Variants in SEMA3F observed in about 807,000 individuals in gnomAD.
SEMA3F encodes the protein semaphorin-3F.
A neutral mutation model predicts 98.5 loss-of-function variants in SEMA3F; 30 were observed. That is an observed-to-expected ratio of 0.30 (90% CI 0.23 to 0.41). The LOEUF is 0.41. Among genes scored for constraint, SEMA3F ranks in the 10% least tolerant of loss-of-function variants. SEMA3F has a pLI of 1.00. For missense variants in SEMA3F, 866 were observed against 1,119.3 expected (o/e 0.77, Z 3.23); for synonymous variants, 380 against 444.8 (o/e 0.85, Z 1.83).
At chr3:50,176,033 G>A (rs1698795301) in intron 6 of SEMA3F, among the ~76,000 whole-genome samples, 1 of 151,898 alleles carries the variant, frequency 6.6e-6, no homozygotes, top group Non-Finnish European at 1.5e-5. Context: ...TTCTCTTGTG[G>A]CCTCTGTGCT....
intron 7 of SEMA3F, among the ~76,000 whole-genome samples, chr3:50,179,550 T>A (rs1698946466): frequency 6.6e-6 from 1 of 152,298 alleles, no homozygotes; most frequent in Admixed American, 6.5e-5. Context: ...GGTCTTGAAC[T>A]CCTGACCTAA....
chr3:50,187,918 G>A lies in SEMA3F; in HGVS notation c.2161G>A (p.Gly721Ser), dbSNP rs1699292807. 1 of 1,607,992 alleles carries A rather than the reference G, an allele frequency of 6.2e-7. No individual in the cohort carries two copies. ...GAGCGCCCCGCCACCCCCAGGCGCAGGCCCCCCAACGCCTCCTTACCAGGA... is the reference window on the plus strand; with the variant it reads ...GAGCGCCCCGCCACCCCCAGGCGCAAGCCCCCCAACGCCTCCTTACCAGGA... Reference protein sequence around the residue: ...SMSAPPPPGAGPPTPPYQELA... With the variant: ...SMSAPPPPGASPPTPPYQELA... Residue 721 changes from glycine to serine, a missense_variant, in exon 19 of 19, where the codon GGC becomes AGC. Gly to Ser is a moderately conservative substitution (Grantham distance 56, BLOSUM62 0). Coordinates refer to ENST00000002829, the MANE Select transcript of SEMA3F (RefSeq NM_004186.5).
intron 2 of SEMA3F, among the ~76,000 whole-genome samples, chr3:50,160,923 C>T (rs1420146550): frequency 1.3e-5 from 2 of 152,164 alleles, no homozygotes; most frequent in African/African-American, 2.4e-5. Flanking sequence ...AAGGAGTCCC[C>T]TGCAGGGCCT....
At chr3:50,178,249 A>G (rs1244756533) in intron 7 of SEMA3F, among the ~76,000 whole-genome samples, 2 of 152,062 alleles carry the variant, frequency 1.3e-5, no homozygotes, top group African/African-American at 4.8e-5. Flanking sequence ...TTCAAAAAAA[A>G]AGAAAAGACT....
At position 50,173,929 on chromosome 3, in the gene SEMA3F, C is replaced by T. The variant is rs758053222; in HGVS notation, c.249C>T (p.His83=). The T allele has an allele frequency of 3.1e-6, 5 of 1,613,996 alleles. No individual in the cohort carries two copies. Among genetic ancestry groups the T allele is most frequent in the East Asian group, 4.5e-5 (2 of 44,892 alleles). Reference sequence around the variant, plus strand: ...ACTACGTGCTGTCCCTGGACCTGCACGACATCAACCGCGAGCCCCTCATTG... The same window carrying T: ...ACTACGTGCTGTCCCTGGACCTGCATGACATCAACCGCGAGCCCCTCATTG... ...SKDYVLSLDL[H]DINREPLIIH... The change falls in exon 3 of 19, where the codon CAC becomes CAT. Residue 83 remains histidine, a synonymous_variant. Coordinates refer to ENST00000002829, the MANE Select transcript of SEMA3F (RefSeq NM_004186.5).
In SEMA3F at chr3:50,158,239, G is replaced by C. The variant is rs1309765427; in HGVS notation, c.-48-1336G>C. 2.0e-5 allele frequency among the ~76,000 whole-genome samples: 3 copies of C among 152,252 alleles called. No individual in the cohort carries two copies. The highest frequency in any genetic ancestry group is 2.9e-5 in the Non-Finnish European group (2 of 68,034). ...CCCATCCCCCAGCTAGCCTCCCCAG[G>C]AGGCAGCATCTATGACAGGGGATCT... On this transcript the variant is annotated intron_variant, in intron 1 of 18. Coordinates refer to ENST00000002829, the MANE Select transcript of SEMA3F (RefSeq NM_004186.5). The surrounding 1 kb of genome is among the most constrained non-coding windows in gnomAD (Gnocchi z 4.8).
At chr3:50,186,878 C>A in intron 18 of SEMA3F, 132 bp downstream of exon 18, 4 of 984,430 alleles carry the variant, frequency 4.1e-6, no homozygotes, top group Non-Finnish European at 5.7e-6. Flanking sequence ...ACATGCAAAT[C>A]CTTTGAGTGA....
At chr3:50,169,639 C>A (rs1287996213) in intron 2 of SEMA3F, among the ~76,000 whole-genome samples, 1 of 152,150 alleles carries the variant, frequency 6.6e-6, no homozygotes, top group Non-Finnish European at 1.5e-5. Flanking sequence ...CCCACAGAAC[C>A]CTTGATTGTG....
chr3:50,180,125 C>T (rs9832454), intron 7 of SEMA3F, among the ~76,000 whole-genome samples: 14,049 of 152,164 alleles, frequency 0.092, 720 homozygotes, highest in African/African-American at 0.1. Flanking sequence ...TAAGCTTAAT[C>T]ATTTCTAGCT....
rs1559741440 is a variant in SEMA3F at position 50,187,803 on chromosome 3, G to GAAC, written c.2050_2052dup (p.Asn684dup). 1.2e-6 allele frequency: 2 copies of GAAC among 1,613,512 alleles called. No individual in the cohort carries two copies. The highest frequency in any genetic ancestry group is 1.7e-5 in the Admixed American group (1 of 60,006). On this transcript the variant is annotated inframe_insertion, in exon 19 of 19. Transcript: ENST00000002829. ...GCCTCTACTCCTGCACAGCCACTGA[G>GAAC]AACAACTTTAAGCACGTCGTCACAC...
At position 50,182,404 on chromosome 3, in the gene SEMA3F, G is replaced by A; in HGVS notation, c.763+1G>A. Reference sequence around the variant, plus strand: ...CAGTACAACTCCCGGTGGCTGAACGGTAAGCGCAGCCCCAGGAGCCCTTCC... The same window carrying A: ...CAGTACAACTCCCGGTGGCTGAACGATAAGCGCAGCCCCAGGAGCCCTTCC... On this transcript the variant is annotated splice_donor_variant, in intron 8 of 18. Transcript: ENST00000002829. LOFTEE classifies it high-confidence loss of function. This position sits in a 1 kb window ranked among gnomAD's most constrained non-coding sequence, Gnocchi z 4.5. 1 of 1,613,554 alleles carries A rather than the reference G, an allele frequency of 6.2e-7. No individual in the cohort carries two copies. The highest frequency in any genetic ancestry group is 8.5e-7 in the Non-Finnish European group (1 of 1,180,016).
At chr3:50,159,786 G>T (rs530223016) in intron 2 of SEMA3F, 52 bp downstream of exon 2, 6 of 1,213,768 alleles carry the variant, frequency 4.9e-6, no homozygotes, top group Non-Finnish European at 7.3e-6. Context: ...TTACAATAGC[G>T]CTCGGCTCCT....
At chr3:50,160,158 T>C (rs1698149854) in intron 2 of SEMA3F, among the ~76,000 whole-genome samples, 1 of 152,182 alleles carries the variant, frequency 6.6e-6, no homozygotes, top group African/African-American at 2.4e-5. Context: ...GGGCAGACAC[T>C]GGAACCTCTG....
intron 18 of SEMA3F, 35 bp downstream of exon 18, chr3:50,186,781 TGA>T: frequency 6.4e-7 from 1 of 1,558,296 alleles, no homozygotes; most frequent in Non-Finnish European, 8.7e-7. Context: ...ACCGTGGATG[TGA>T]GTCCTTGCAC....
upstream of SEMA3F, chr3:50,155,205 A>T: frequency 5.8e-6 from 2 of 343,176 alleles, no homozygotes; most frequent in Non-Finnish European, 1.0e-5. This position sits in a 1 kb window ranked among gnomAD's most constrained non-coding sequence, Gnocchi z 4.9. Flanking sequence ...TCCAGCAGCC[A>T]GGAGAGCGCA....
At chr3:50,174,026 G>C in intron 3 of SEMA3F, 26 bp from the exon 4 acceptor site, 1 of 1,613,866 alleles carries the variant, frequency 6.2e-7, no homozygotes, top group Non-Finnish European at 8.5e-7. Flanking sequence ...CCAGAAGGCT[G>C]CACCTTCTGA....
intron 2 of SEMA3F, among the ~76,000 whole-genome samples, chr3:50,171,446 C>A (rs1251802186): frequency 6.6e-6 from 1 of 152,080 alleles, no homozygotes; most frequent in African/African-American, 2.4e-5. Flanking sequence ...ATGGCTGAAG[C>A]TTCCCCTTAC....
rs1312724673 is a variant in SEMA3F, at chr3:50,166,189, G to A, written c.112+6455G>A. Among the ~76,000 whole-genome samples, 1 of 150,338 alleles carries A rather than the reference G, an allele frequency of 6.7e-6. No individual in the cohort carries two copies. The highest frequency in any genetic ancestry group is 2.5e-5 in the African/African-American group (1 of 40,612). On this transcript the variant is annotated intron_variant, in intron 2 of 18. Coordinates refer to ENST00000002829, the MANE Select transcript of SEMA3F (RefSeq NM_004186.5). This position sits in a 1 kb window ranked among gnomAD's most constrained non-coding sequence, Gnocchi z 4.7. ...ACCCGGACATGCTCTTTCCTCGGAC[G>A]TCTCTGTACCCAGCCAAGAGCCTTG...
At chr3:50,159,453 A>C in intron 1 of SEMA3F, 122 bp from the exon 2 acceptor site, 2 of 577,178 alleles carry the variant, frequency 3.5e-6, no homozygotes, top group Non-Finnish European at 6.1e-6. Flanking sequence ...ACACAGGGGC[A>C]TTCATGGCCC....
Sources: gnomAD v4.1 joint callset for allele counts (sites outside exome capture counted in the v4.1 genomes callset) on GRCh38, gnomAD v4.1.1 for gene constraint, Gnocchi (gnomAD v3.1) non-coding constraint, MANE v1.5 for transcripts, NCBI Gene and HGNC (gene_info 2026-07-23, HGNC 2026-07-21) for gene names.